RAPGEF1: variants seen among roughly 807,000 people sequenced by gnomAD.
RAPGEF1 encodes CRK SH3-binding GNRP.
Under a neutral mutation model 143.3 loss-of-function variants are expected in RAPGEF1, and 33 were observed. The ratio of observed to expected loss-of-function variants is 0.23; its 90% CI spans 0.17 to 0.31. The LOEUF (loss-of-function observed/expected upper bound fraction) is 0.31. RAPGEF1 is among the 10% of genes least tolerant of loss of function. The pLI is 1.00. For missense variants in RAPGEF1, 1,199 were observed against 1,645.4 expected, an observed-to-expected ratio of 0.73 and a Z score of 4.69; for synonymous variants, 629 against 676.5, an observed-to-expected ratio of 0.93 and a Z score of 1.09.
In RAPGEF1 at chr9:131,650,914, T is replaced by G; in HGVS notation, c.97A>C (p.Lys33Gln). Residue 33 changes from lysine (K) to glutamine (Q), a missense_variant, in exon 2 of 27, where the codon AAG becomes CAG. Physicochemically the swap from Lys to Gln is moderately conservative, Grantham distance 53 (BLOSUM62 1). Transcript: ENST00000683357. This position sits in a 1 kb window ranked among gnomAD's most constrained non-coding sequence, Gnocchi z 4.7. Reference sequence around the variant, plus strand: ...GGTGAGTGGAATTTGTCCATCAGCTTCATGGTGAAGGAAGAGAGATGAGAA... The same window carrying G: ...GGTGAGTGGAATTTGTCCATCAGCTGCATGGTGAAGGAAGAGAGATGAGAA... ...QRSHLSSFTMKLMDKFHSPKI... is the reference protein window; with the variant it reads ...QRSHLSSFTMQLMDKFHSPKI... 1 of 1,613,888 alleles carries G rather than the reference T, an allele frequency of 6.2e-7. No homozygotes were observed. The highest frequency in any genetic ancestry group is 8.5e-7 in the Non-Finnish European group (1 of 1,179,814).
intron 3 of RAPGEF1, among the ~76,000 whole-genome samples, chr9:131,647,042 C>T (rs1181325424): frequency 6.6e-6 from 1 of 152,174 alleles, no homozygotes; most frequent in Admixed American, 6.5e-5. Context: ...CTCCCAGGAC[C>T]CCCTGCTCAC....
At chr9:131,619,857 G>T (rs949346530) in intron 11 of RAPGEF1, among the ~76,000 whole-genome samples, 1 of 152,180 alleles carries the variant, frequency 6.6e-6, no homozygotes, top group Non-Finnish European at 1.5e-5. Flanking sequence ...TTGAGAGAGG[G>T]TGTGACCAGC....
chr9:131,683,445 G>A (rs775290122), intron 1 of RAPGEF1, among the ~76,000 whole-genome samples: 83 of 152,210 alleles, frequency 5.5e-4, no homozygotes, highest in Non-Finnish European at 9.7e-4. Context: ...ACTGACTTAA[G>A]AGCCATCAAT....
chr9:131,723,424 T>A (rs1836414709), intron 1 of RAPGEF1, among the ~76,000 whole-genome samples: 1 of 152,098 alleles, frequency 6.6e-6, no homozygotes, highest in Non-Finnish European at 1.5e-5. Context: ...ACTGAAATAG[T>A]CCCCATTCCT....
At chr9:131,709,716 C>T in intron 1 of RAPGEF1, 1 of 1,613,496 alleles carries the variant, frequency 6.2e-7, no homozygotes. Flanking sequence ...CCCTTCCCAG[C>T]CCCAGCGTCT....
intron 1 of RAPGEF1, among the ~76,000 whole-genome samples, chr9:131,664,504 C>T (rs912178770): frequency 1.3e-5 from 2 of 152,160 alleles, no homozygotes; most frequent in Non-Finnish European, 2.9e-5. Flanking sequence ...TGCAAGCCAA[C>T]ACCACCAGGT....
In RAPGEF1 at chr9:131,577,014, C is replaced by G. The variant is rs1354765775; in HGVS notation, c.*2483G>C. 6.6e-6 allele frequency: 1 copy of G among 151,846 alleles called. No individual in the cohort carries two copies. The highest frequency in any genetic ancestry group is 1.5e-5 in the Non-Finnish European group (1 of 67,960). 9.4% of individuals were successfully genotyped at this position (151,846 alleles called of 1,614,324 possible). On this transcript the variant is annotated 3_prime_UTR_variant, in exon 27 of 27. Transcript: ENST00000683357. ...CCGACACCTGCAGGTGAGGACTGAC[C>G]TCTGCAAGGAACGAGTCCTCCGCCT... is the stretch of plus-strand genomic sequence containing the variant.
At chr9:131,629,037 C>T in intron 7 of RAPGEF1, 65 bp downstream of exon 7, 1 of 1,561,148 alleles carries the variant, frequency 6.4e-7, no homozygotes, top group Non-Finnish European at 8.7e-7. Flanking sequence ...GGCCCGAGCC[C>T]TGTCTTCCTC....
At chr9:131,710,745 C>CG (rs1365562046) in intron 1 of RAPGEF1, among the ~76,000 whole-genome samples, 2 of 152,048 alleles carry the variant, frequency 1.3e-5, no homozygotes, top group African/African-American at 4.8e-5. Flanking sequence ...AAAAATTAGC[C>CG]GGGCGTGGTG....
chr9:131,602,240 G>A (rs1258905277), intron 14 of RAPGEF1, 91 bp from the exon 15 acceptor site: 3 of 884,418 alleles, frequency 3.4e-6, no homozygotes, highest in Non-Finnish European at 5.3e-6. Context: ...AGTGGCTGTG[G>A]AGTGCAAGTT....
rs1489531607 is a variant in RAPGEF1 at position 131,590,080 on chromosome 9, T to C, written c.2775-102A>G. ...TCACTGAGCGCTCACAATGTGCCCA[T>C]CTTCCTGCATGTAAAGCACTGGCAT... is the stretch of plus-strand genomic sequence containing the variant. On this transcript the variant is annotated intron_variant, in intron 18 of 26. Transcript: ENST00000683357. 3.0e-6 allele frequency: 3 copies of C among 1,013,218 alleles called. No individual in the cohort carries two copies. The Admixed American group carries it at 5.4e-5, about 18-fold the overall frequency. The allele number at this position is 1,013,218 out of a possible 1,614,324, so 62.8% of individuals were successfully genotyped here.
At chr9:131,643,763 T>C (rs1288692769) in intron 3 of RAPGEF1, among the ~76,000 whole-genome samples, 2 of 152,334 alleles carry the variant, frequency 1.3e-5, no homozygotes, top group East Asian at 3.9e-4. Context: ...AATTTGCTGA[T>C]GACTTGGAGA....
At chr9:131,656,948 C>G (rs776968841) in intron 1 of RAPGEF1, among the ~76,000 whole-genome samples, 9 of 152,238 alleles carry the variant, frequency 5.9e-5, no homozygotes, top group Non-Finnish European at 7.3e-5. Flanking sequence ...AGCTCTAGCA[C>G]AAGAAGCCAT....
intron 12 of RAPGEF1, among the ~76,000 whole-genome samples, chr9:131,613,577 C>A (rs1279484887): frequency 6.6e-6 from 1 of 152,188 alleles, no homozygotes; most frequent in Admixed American, 6.5e-5. Flanking sequence ...CCGCTCAAGG[C>A]TAATGCCCTG....
At chr9:131,724,531 C>T (rs1836507530) in intron 1 of RAPGEF1, among the ~76,000 whole-genome samples, 1 of 151,990 alleles carries the variant, frequency 6.6e-6, no homozygotes, top group Admixed American at 6.6e-5. Flanking sequence ...GGAGGCGGAG[C>T]TTGCAGTGAG....
chr9:131,731,610 A>T (rs1467850049), intron 1 of RAPGEF1, among the ~76,000 whole-genome samples: 1 of 152,194 alleles, frequency 6.6e-6, no homozygotes, highest in Non-Finnish European at 1.5e-5. Context: ...GTGGCTGGGA[A>T]TCGCATCTGT....
At chr9:131,610,807 T>C (rs1045759106) in intron 12 of RAPGEF1, among the ~76,000 whole-genome samples, 2 of 152,224 alleles carry the variant, frequency 1.3e-5, no homozygotes, top group Non-Finnish European at 2.9e-5. Context: ...TTTTCACTGA[T>C]GATGACACCC....
rs1327924180 is a variant in RAPGEF1, at chr9:131,621,227, A to G, written c.1905+569T>C. Reference sequence around the variant, plus strand: ...CTTCCTTACATGCACAGGAGTCCTTAGCACACGAGTGTTTTCTAGAAGAGG... The same window carrying G: ...CTTCCTTACATGCACAGGAGTCCTTGGCACACGAGTGTTTTCTAGAAGAGG... On this transcript the variant is annotated intron_variant, in intron 11 of 26. Transcript: ENST00000683357. The surrounding 1 kb of genome is among the most constrained non-coding windows in gnomAD (Gnocchi z 4.5). 6.6e-6 allele frequency among the ~76,000 whole-genome samples: 1 copy of G among 152,200 alleles called. No homozygotes were observed. The highest frequency in any genetic ancestry group is 1.5e-5 in the Non-Finnish European group (1 of 68,038).
intron 20 of RAPGEF1, among the ~76,000 whole-genome samples, chr9:131,588,403 C>A (rs1319070266): frequency 6.6e-6 from 1 of 152,216 alleles, no homozygotes; most frequent in Non-Finnish European, 1.5e-5. Context: ...TATGCGCTCA[C>A]TGGAAGGAGC....
Sources: gnomAD v4.1 joint callset for allele counts (sites outside exome capture counted in the v4.1 genomes callset) on GRCh38, gnomAD v4.1.1 for gene constraint, Gnocchi (gnomAD v3.1) non-coding constraint, MANE v1.5 for transcripts, NCBI Gene and HGNC (gene_info 2026-07-23, HGNC 2026-07-21) for gene names.